Variants in TMED5 observed in about 807,000 individuals in gnomAD.
TMED5 encodes transmembrane p24 trafficking protein 5.
A neutral mutation model predicts 23.0 loss-of-function variants in TMED5; 27 were observed. The observed-to-expected ratio is 1.17, with a 90% CI of 0.86 to 1.62. TMED5 has a LOEUF of 1.62. TMED5 is among the 40% of genes most tolerant of loss of function. TMED5 has a pLI of 0.00. For missense variants in TMED5, 248 were observed against 273.7 expected (o/e 0.91, Z 0.66); for synonymous variants, 97 against 100.8 (o/e 0.96, Z 0.23).
chr1:93,165,522 G>GT (rs1648470994), intron 1 of TMED5, among the ~76,000 whole-genome samples: 1 of 152,164 alleles, frequency 6.6e-6, no homozygotes, highest in Non-Finnish European at 1.5e-5. Flanking sequence ...TGGATTAGTT[G>GT]TAAGTGTATA....
At chr1:93,175,316 T>C (rs11810314) in intron 1 of TMED5, among the ~76,000 whole-genome samples, 9,530 of 128,878 alleles carry the variant, frequency 0.074, 507 homozygotes, top group African/African-American at 0.16. Context: ...TATATATATA[T>C]ACACACACAC....
intron 1 of TMED5, among the ~76,000 whole-genome samples, chr1:93,163,543 T>G (rs890648034): frequency 6.6e-6 from 1 of 151,838 alleles, no homozygotes; most frequent in Non-Finnish European, 1.5e-5. Flanking sequence ...GGTTTCACCA[T>G]GTTGGCCAAG....
At chr1:93,165,261 T>C (rs1382120070) in intron 1 of TMED5, among the ~76,000 whole-genome samples, 13 of 152,202 alleles carry the variant, frequency 8.5e-5, no homozygotes, top group Admixed American at 8.5e-4. Flanking sequence ...GGTTGATTAG[T>C]TTTTTATCAA....
rs974356782 is a variant in TMED5 at position 93,153,641 on chromosome 1, G to T, written c.*1029C>A. The T allele has an allele frequency of 2.0e-5, 3 of 151,996 alleles. No individual in the cohort carries two copies. The highest frequency in any genetic ancestry group is 6.5e-5 in the Admixed American group (1 of 15,268). The allele number at this position is 151,996 out of a possible 1,614,324, so 9.4% of individuals were successfully genotyped here. A position where few individuals can be genotyped will look rare whatever the true frequency, so the allele number is the denominator to read the frequency against. The stretch of plus-strand genomic sequence containing the variant: ...TTAAGTGAATTTTATTTTGGATTAG[G>T]TTTTCTCAAGTTTTTCTAAATTCTT... On this transcript the variant is annotated 3_prime_UTR_variant, in exon 4 of 4. Coordinates refer to ENST00000370282, the MANE Select transcript of TMED5 (RefSeq NM_016040.5).
chr1:93,164,280 G>A (rs1648403262), intron 1 of TMED5, among the ~76,000 whole-genome samples: 1 of 152,006 alleles, frequency 6.6e-6, no homozygotes, highest in Admixed American at 6.6e-5. Context: ...AAACTAGAGT[G>A]GTAAATGGAA....
intron 2 of TMED5, among the ~76,000 whole-genome samples, chr1:93,159,748 T>C (rs1424478469): frequency 6.6e-6 from 1 of 151,872 alleles, no homozygotes; most frequent in Non-Finnish European, 1.5e-5. Flanking sequence ...TGGACAAAAA[T>C]GGCATATAGC....
intron 1 of TMED5, among the ~76,000 whole-genome samples, chr1:93,177,432 G>A (rs550495080): frequency 1.3e-5 from 2 of 151,908 alleles, no homozygotes; most frequent in African/African-American, 4.8e-5. Flanking sequence ...ACAAAAATTA[G>A]CTGGGTGTGG....
chr1:93,179,603 A>G (rs1295128320), intron 1 of TMED5, among the ~76,000 whole-genome samples: 1 of 152,256 alleles, frequency 6.6e-6, no homozygotes, highest in East Asian at 1.9e-4. Context: ...TGAAGCAAAG[A>G]CAGTGATTTG....
intron 1 of TMED5, among the ~76,000 whole-genome samples, chr1:93,178,942 T>C (rs903246722): frequency 6.6e-6 from 1 of 152,230 alleles, no homozygotes; most frequent in Non-Finnish European, 1.5e-5. Context: ...CTTTCCCCCC[T>C]GTACTGCTAC....
rs919698015 is a variant in TMED5, at chr1:93,154,842, A to G, written c.518T>C (p.Ile173Thr). 4 of 1,614,042 alleles carry G rather than the reference A, an allele frequency of 2.5e-6. 1 individual carries two copies. Among genetic ancestry groups the G allele is most frequent in the Non-Finnish European group, 3.4e-6 (4 of 1,179,880 alleles). ...TTCAAATGCTCTAAGCAGAGTTTGT[A>G]TGTGCCCACTTTTGCTTAGTCTGGA... ...IKSRLSKSGH[I>T]QTLLRAFEAR... The change falls in exon 4 of 4, where the codon ATA (isoleucine) becomes ACA (threonine). Residue 173 changes from isoleucine to threonine, a missense_variant. By Grantham distance (89) the Ile-to-Thr change is moderately conservative (BLOSUM62 -1). Transcript: ENST00000370282.
rs367637033 is a variant in TMED5 at position 93,154,802 on chromosome 1, G to C, written c.558C>G (p.Asn186Lys). ...CTCTATCAAAGTTGCTTTCTTGTAT[G>C]TTTCGATCACGAGCTTCAAATGCTC... ...LLRAFEARDRNIQESNFDRVN... is the reference protein window; with the variant it reads ...LLRAFEARDRKIQESNFDRVN... Residue 186 changes from asparagine to lysine, a missense_variant, in exon 4 of 4, where the codon AAC (asparagine) becomes AAG (lysine). Physicochemically the swap from Asn to Lys is moderately conservative, Grantham distance 94. Coordinates refer to ENST00000370282, the MANE Select transcript of TMED5 (RefSeq NM_016040.5). 12 of 1,613,876 alleles carry C rather than the reference G, an allele frequency of 7.4e-6. No individual in the cohort carries two copies. The African/African-American group carries it at 1.5e-4, about 20-fold the overall frequency.
At position 93,150,075 on chromosome 1, in the gene TMED5, A is replaced by C. The variant is rs1447450612; in HGVS notation, c.*4595T>G. ...TATATTTATGTAATCACCACAATCA[A>C]ACTACAGAACTTTTCCACCACAAGG... On this transcript the variant is annotated 3_prime_UTR_variant, in exon 4 of 4. Transcript: ENST00000370282. The C allele has an allele frequency of 6.6e-6, 1 of 152,206 alleles. No individual in the cohort carries two copies. Among genetic ancestry groups the C allele is most frequent in the Non-Finnish European group, 1.5e-5 (1 of 68,034 alleles). 9.4% of individuals were successfully genotyped at this position (152,206 alleles called of 1,614,324 possible).
intron 1 of TMED5, among the ~76,000 whole-genome samples, chr1:93,169,881 G>GAACACACACACACA (rs1444886174): frequency 2.9e-5 from 1 of 34,786 alleles, no homozygotes; most frequent in African/African-American, 9.2e-5. Context: ...GACCCTGTCT[G>GAACACACACACACA]TACACACACA....
chr1:93,159,591 A>G (rs1015894297), intron 2 of TMED5, among the ~76,000 whole-genome samples: 17 of 152,330 alleles, frequency 1.1e-4, no homozygotes, highest in African/African-American at 4.1e-4. Context: ...AAGAGTTATA[A>G]CAAGTATTTT....
intron 2 of TMED5, among the ~76,000 whole-genome samples, chr1:93,157,183 G>A (rs1336939075): frequency 6.6e-6 from 1 of 152,132 alleles, no homozygotes; most frequent in Non-Finnish European, 1.5e-5. Flanking sequence ...AAGCAGTGAT[G>A]GATTGTCCTA....
At position 93,153,730 on chromosome 1, in the gene TMED5, A is replaced by C. The variant is rs1647961659; in HGVS notation, c.*940T>G. The C allele has an allele frequency of 6.6e-6, 1 of 152,172 alleles. No individual in the cohort carries two copies. The allele number at this position is 152,172 out of a possible 1,614,324, so 9.4% of individuals were successfully genotyped here. On this transcript the variant is annotated 3_prime_UTR_variant, in exon 4 of 4. Transcript: ENST00000370282. ...TATTTATTTATGGTAGGCCCAGATCATTTTAGCAATATTTCCTTCATAACT... is the reference window on the plus strand; with the variant it reads ...TATTTATTTATGGTAGGCCCAGATCCTTTTAGCAATATTTCCTTCATAACT...
At chr1:93,169,154 A>G (rs994957193) in intron 1 of TMED5, among the ~76,000 whole-genome samples, 3 of 152,222 alleles carry the variant, frequency 2.0e-5, no homozygotes, top group Non-Finnish European at 4.4e-5. Context: ...CATTCTTCTC[A>G]AGCTCATATG....
chr1:93,163,758 T>C (rs978803868), intron 1 of TMED5, among the ~76,000 whole-genome samples: 12 of 151,626 alleles, frequency 7.9e-5, no homozygotes, highest in African/African-American at 2.9e-4. Flanking sequence ...GGTGGATCAC[T>C]TGAGGTGAGG....
At chr1:93,160,080 C>A (rs763141314) in intron 2 of TMED5, 49 bp downstream of exon 2, 7 of 1,118,924 alleles carry the variant, frequency 6.3e-6, no homozygotes, top group Admixed American at 5.4e-5. Context: ...CTGCAGATAA[C>A]CCACTGGTAT....
Sources: allele counts gnomAD v4.1 joint callset (sites outside exome capture counted in the v4.1 genomes callset), GRCh38; gene constraint gnomAD v4.1.1; transcripts MANE v1.5; gene names NCBI Gene and HGNC (gene_info 2026-07-23, HGNC 2026-07-21).